CLDN14: variants seen among roughly 807,000 people sequenced by gnomAD.
CLDN14 encodes the protein claudin 14.
Under a neutral mutation model 2.1 loss-of-function variants are expected in CLDN14, and 2 were observed. The ratio of observed to expected loss-of-function variants is 0.96; its 90% confidence interval spans 0.39 to 3.01. CLDN14 has a LOEUF of 3.01. Ranked by LOEUF, CLDN14 falls within the 30% of genes most tolerant of loss-of-function variation. The probability of loss-of-function intolerance (pLI) is 0.09; values close to 1 mark genes in which losing one functional copy is unlikely to be tolerated. For synonymous variants in CLDN14, 136 were observed against 154.4 expected, an observed-to-expected ratio of 0.88 and a Z score of 0.88; for missense variants, 298 against 328.0, an observed-to-expected ratio of 0.91 and a Z score of 0.71.
In CLDN14 at chr21:36,523,643, G is replaced by A. The variant is rs531639467; in HGVS notation, c.-219-13143C>T. On this transcript the variant is annotated intron_variant, in intron 1 of 2. Transcript: ENST00000342108. ...TGCACTTGTAACCCCAGCTACTCGG[G>A]AGGCTAAGGCAGGAGAATCGCTTGG... Among the ~76,000 whole-genome samples the A allele has an allele frequency of 7.7e-3, 1,158 of 151,132 alleles. 16 individuals are homozygous for A. The highest frequency in any genetic ancestry group is 0.027 in the African/African-American group (1,105 of 41,046).
chr21:36,514,751 G>C (rs1238481176), intron 1 of CLDN14, among the ~76,000 whole-genome samples: 2 of 151,642 alleles, frequency 1.3e-5, no homozygotes, highest in South Asian at 4.2e-4. Context: ...ATTTAACCTG[G>C]TCCTGAGGAG....
chr21:36,482,785 G>A (rs955088349), upstream of CLDN14, among the ~76,000 whole-genome samples: 1 of 152,140 alleles, frequency 6.6e-6, no homozygotes, highest in African/African-American at 2.4e-5. Context: ...TGAAAGTCAC[G>A]ACGCTTCCAT....
rs1280343844 is a variant in CLDN14 at position 36,479,822 on chromosome 21, G to A, written c.-409C>T. On this transcript the variant is annotated 5_prime_UTR_variant, in exon 1 of 2. Coordinates refer to ENST00000399135, the MANE Select transcript of CLDN14 (RefSeq NM_001146079.2). The stretch of plus-strand genomic sequence containing the variant: ...TCTGCACTGTGGAAAAAAAATGCAC[G>A]ATACACCTGAACCTGGGCATCTCCT... 2.6e-5 allele frequency: 4 copies of A among 152,244 alleles called. No homozygotes were observed. Among genetic ancestry groups the A allele is most frequent in the African/African-American group, 4.8e-5 (2 of 41,434 alleles). 9.4% of individuals were successfully genotyped at this position (152,244 alleles called of 1,614,324 possible). A position where few individuals can be genotyped will look rare whatever the true frequency, so the allele number is the denominator to read the frequency against.
At chr21:36,535,519 T>C (rs543989127) in intron 1 of CLDN14, among the ~76,000 whole-genome samples, 1 of 152,342 alleles carries the variant, frequency 6.6e-6, no homozygotes, top group South Asian at 2.1e-4. Flanking sequence ...CAAAATGGTA[T>C]GTGAATTATA....
chr21:36,489,719 C>T (rs1270359632), intron 2 of CLDN14, among the ~76,000 whole-genome samples: 2 of 152,244 alleles, frequency 1.3e-5, no homozygotes, highest in African/African-American at 2.4e-5. Context: ...TTCCTAAGCA[C>T]GTCTGCATAG....
At chr21:36,501,917 A>G (rs1402937119) in intron 2 of CLDN14, among the ~76,000 whole-genome samples, 1 of 90,762 alleles carries the variant, frequency 1.1e-5, no homozygotes, top group East Asian at 2.4e-4. Context: ...ATGAATTTGA[A>G]AAGACCTTTT....
At chr21:36,534,402 G>T (rs1265538203) in intron 1 of CLDN14, among the ~76,000 whole-genome samples, 2 of 152,174 alleles carry the variant, frequency 1.3e-5, no homozygotes, top group Non-Finnish European at 2.9e-5. Context: ...TCCCCCCGTG[G>T]GAACCAGAGC....
intron 1 of CLDN14, among the ~76,000 whole-genome samples, chr21:36,552,339 C>A (rs1262030375): frequency 6.6e-6 from 1 of 152,190 alleles, no homozygotes; most frequent in Non-Finnish European, 1.5e-5. Flanking sequence ...TCTTAACAGA[C>A]AAGTGGGCTT....
rs924026403 is a variant in CLDN14, at chr21:36,499,422, G to C, written c.-82+10941C>G. 6.6e-6 allele frequency among the ~76,000 whole-genome samples: 1 copy of C among 152,132 alleles called. No individual in the cohort carries two copies. On this transcript the variant is annotated intron_variant, in intron 2 of 2. Coordinates refer to the CLDN14 transcript ENST00000342108. This position sits in a 1 kb window ranked among gnomAD's most constrained non-coding sequence, Gnocchi z 4.7. The stretch of plus-strand genomic sequence containing the variant: ...TACACACAGCCTTTTTGTTTTATGG[G>C]CTGGGTTCCTACAGAGAGTTATGAA...
At chr21:36,500,066 G>T (rs2087080036) in intron 2 of CLDN14, among the ~76,000 whole-genome samples, 1 of 152,152 alleles carries the variant, frequency 6.6e-6, no homozygotes, top group Admixed American at 6.5e-5. Flanking sequence ...GGCAACTCAG[G>T]CAAGGTTTTC....
chr21:36,491,521 A>G (rs1279677528), intron 2 of CLDN14, among the ~76,000 whole-genome samples: 1 of 152,240 alleles, frequency 6.6e-6, no homozygotes, highest in Non-Finnish European at 1.5e-5. Flanking sequence ...TGTTGGCTTC[A>G]TGGAAATTTA....
intron 1 of CLDN14, among the ~76,000 whole-genome samples, chr21:36,560,366 A>C (rs1444332934): frequency 6.6e-6 from 1 of 152,196 alleles, no homozygotes; most frequent in Non-Finnish European, 1.5e-5. Flanking sequence ...GGATTTTTGC[A>C]AAGAATTAGT....
chr21:36,566,915 C>T (rs1479496082), intron 1 of CLDN14, among the ~76,000 whole-genome samples: 2 of 152,248 alleles, frequency 1.3e-5, no homozygotes, highest in South Asian at 2.1e-4. Context: ...CGTCTGCCAT[C>T]GGGAAGAAGG....
At chr21:36,501,429 G>A (rs1000509950) in intron 2 of CLDN14, among the ~76,000 whole-genome samples, 1 of 129,622 alleles carries the variant, frequency 7.7e-6, no homozygotes, top group Non-Finnish European at 1.6e-5. Flanking sequence ...GGTTAAATCT[G>A]ACCTTTGGGA....
intron 2 of CLDN14, among the ~76,000 whole-genome samples, chr21:36,500,262 G>A (rs191661786): frequency 1.2e-4 from 19 of 152,196 alleles, no homozygotes; most frequent in African/African-American, 4.3e-4. Flanking sequence ...TCAGCCGGGA[G>A]CTCGCCTGAG....
At chr21:36,547,110 A>G (rs560950747) in intron 1 of CLDN14, among the ~76,000 whole-genome samples, 1 of 152,352 alleles carries the variant, frequency 6.6e-6, no homozygotes, top group African/African-American at 2.4e-5. Context: ...AAGTTAGACT[A>G]TTCCTAGGAA....
At chr21:36,524,114 ATTT>A (rs34810928) in intron 1 of CLDN14, among the ~76,000 whole-genome samples, 1 of 146,890 alleles carries the variant, frequency 6.8e-6, no homozygotes, top group Non-Finnish European at 1.5e-5. Context: ...TCTGGCTAAG[ATTT>A]TTTTTTTTTT....
chr21:36,468,025 G>A (rs2086667649), intron 1 of CLDN14, among the ~76,000 whole-genome samples: 1 of 152,216 alleles, frequency 6.6e-6, no homozygotes, highest in Non-Finnish European at 1.5e-5. Flanking sequence ...CTCTCGAGAT[G>A]TTTGGGAACG....
At chr21:36,474,697 C>G (rs772362811) in intron 1 of CLDN14, among the ~76,000 whole-genome samples, 1 of 151,936 alleles carries the variant, frequency 6.6e-6, no homozygotes, top group African/African-American at 2.4e-5. Flanking sequence ...CAAGAGAGGA[C>G]CCTTGTTTTG....
Sources: gnomAD v4.1 joint callset for allele counts (sites outside exome capture counted in the v4.1 genomes callset) on GRCh38, gnomAD v4.1.1 for gene constraint, Gnocchi (gnomAD v3.1) non-coding constraint, MANE v1.5 for transcripts, NCBI Gene and HGNC (gene_info 2026-07-23, HGNC 2026-07-21) for gene names.